Variants in PCDHA2 observed in about 807,000 individuals in gnomAD.
PCDHA2 encodes the protein protocadherin alpha-2.
In PCDHA2, 58 loss-of-function variants were observed where a neutral mutation model predicts 66.0. The observed-to-expected ratio is 0.88, with a 90% CI of 0.71 to 1.09. The LOEUF (loss-of-function observed/expected upper bound fraction) is 1.09. Among genes scored for constraint, PCDHA2 ranks in the 50% least tolerant of loss-of-function variants. PCDHA2 has a pLI of 0.00. For synonymous variants in PCDHA2, 634 were observed against 554.0 expected (o/e 1.14, Z -2.03); for missense variants, 1,267 against 1,242.3 (o/e 1.02, Z -0.30).
intron 1 of PCDHA2, chr5:140,809,664 G>A (rs1554125341): frequency 2.0e-6 from 3 of 1,474,750 alleles, no homozygotes; most frequent in Non-Finnish European, 2.7e-6. Context: ...AATTTCCCTG[G>A]GTTAAAATTT....
At chr5:140,898,371 G>A (rs13156913) in intron 1 of PCDHA2, among the ~76,000 whole-genome samples, 3 of 152,142 alleles carry the variant, frequency 2.0e-5, no homozygotes, top group African/African-American at 7.2e-5. Flanking sequence ...TTTGTATAAG[G>A]TGTAAGGAAG....
chr5:140,823,434 C>G, intron 1 of PCDHA2: 1 of 1,613,238 alleles, frequency 6.2e-7, no homozygotes, highest in South Asian at 1.1e-5. Flanking sequence ...TGCAGGTGTT[C>G]GTGCTGGACG....
intron 1 of PCDHA2, among the ~76,000 whole-genome samples, chr5:140,798,888 G>A (rs1762374084): frequency 6.6e-6 from 1 of 152,150 alleles, no homozygotes; most frequent in African/African-American, 2.4e-5. Context: ...GTTATTTGCT[G>A]TTTATTCTAA....
intron 1 of PCDHA2, among the ~76,000 whole-genome samples, chr5:140,961,947 G>A (rs1183967245): frequency 6.6e-6 from 1 of 150,956 alleles, no homozygotes; most frequent in Non-Finnish European, 1.5e-5. Flanking sequence ...GCAGTGGCAT[G>A]ATCTCGGCTC....
chr5:141,009,868 G>C lies in PCDHA2; in HGVS notation c.2778G>C (p.Lys926Asn). 1 of 1,614,022 alleles carries C rather than the reference G, an allele frequency of 6.2e-7. No individual in the cohort carries two copies. Among genetic ancestry groups the C allele is most frequent in the Non-Finnish European group, 8.5e-7 (1 of 1,180,004 alleles). Residue 926 changes from lysine (K) to asparagine (N), a missense_variant, in exon 4 of 4, where the codon AAG becomes AAC. Transcript: ENST00000526136. ...AGGAGACCAAGAAAAAGAAGAAAAA[G>C]AAGAAGGGTAACAAGACCCAGGAGA... ...KKEETKKKKKKKKGNKTQEKK... is the reference protein window; with the variant it reads ...KKEETKKKKKNKKGNKTQEKK...
At chr5:140,805,392 G>C in intron 1 of PCDHA2, 2 of 1,088,008 alleles carry the variant, frequency 1.8e-6, no homozygotes, top group Non-Finnish European at 2.2e-6. Flanking sequence ...TCTGGTTTCT[G>C]TTTGATTCAG....
intron 1 of PCDHA2, chr5:140,804,906 T>G (rs1763477016): frequency 4.7e-6 from 4 of 848,738 alleles, no homozygotes; most frequent in Non-Finnish European, 6.7e-6. Flanking sequence ...ACTTCCATTT[T>G]CTTTATTTCC....
chr5:141,004,608 T>A (rs2153981502), intron 3 of PCDHA2, among the ~76,000 whole-genome samples: 1 of 152,348 alleles, frequency 6.6e-6, no homozygotes, highest in African/African-American at 2.4e-5. Flanking sequence ...TTAGGCCTCA[T>A]GCAGAGTCCT....
chr5:140,868,810 G>A lies in PCDHA2; in HGVS notation c.2388+71458G>A, dbSNP rs944762063. On this transcript the variant is annotated intron_variant, in intron 1 of 3. Transcript: ENST00000526136. Reference sequence around the variant, plus strand: ...GAATATTCCATAAATAAGCACGTTGGAAATATTTGGGGGAAGAAACCCAAA... The same window carrying A: ...GAATATTCCATAAATAAGCACGTTGAAAATATTTGGGGGAAGAAACCCAAA... 1.0e-4 allele frequency: 38 copies of A among 369,934 alleles called. No homozygotes were observed. The Admixed American group carries it at 1.3e-3, about 12-fold the overall frequency. The allele number at this position is 369,934 out of a possible 1,614,324, so 22.9% of individuals were successfully genotyped here.
At chr5:140,808,977 T>C (rs1554124934) in intron 1 of PCDHA2, 2 of 1,613,568 alleles carry the variant, frequency 1.2e-6, no homozygotes, top group South Asian at 2.2e-5. Flanking sequence ...GTGCGCGCGG[T>C]GGATGCTGAC....
chr5:140,809,469 G>T (rs1655310932), intron 1 of PCDHA2: 1 of 1,614,250 alleles, frequency 6.2e-7, no homozygotes, highest in South Asian at 1.1e-5. Flanking sequence ...GTGTGCTCTG[G>T]TGAGGGCCCA....
intron 3 of PCDHA2, among the ~76,000 whole-genome samples, chr5:140,994,234 C>A (rs1285846864): frequency 4.6e-5 from 7 of 152,146 alleles, no homozygotes; most frequent in South Asian, 2.1e-4. Flanking sequence ...ATGTTATAAT[C>A]AATTCAAACC....
intron 1 of PCDHA2, among the ~76,000 whole-genome samples, chr5:140,905,079 T>C (rs2071581588): frequency 6.6e-6 from 1 of 152,168 alleles, no homozygotes; most frequent in Admixed American, 6.5e-5. Context: ...AGTTGCACTT[T>C]CTTTTGGGTT....
At position 140,979,027 on chromosome 5, in the gene PCDHA2, T is replaced by C. The variant is rs782016038; in HGVS notation, c.2447+20T>C. ...GCACAGGTATGTATTTCCCTCCTCA[T>C]TCACTCAGAAGTAACCTTAACTTGG... On this transcript the variant is annotated intron_variant, in intron 2 of 3. Coordinates refer to ENST00000526136, the MANE Select transcript of PCDHA2 (RefSeq NM_018905.3). The C allele has an allele frequency of 3.5e-5, 57 of 1,613,492 alleles. No homozygotes were observed. Among genetic ancestry groups the C allele is most frequent in the Non-Finnish European group, 4.4e-5 (52 of 1,179,754 alleles).
rs115674887 is a variant in PCDHA2, at chr5:140,842,176, T to G, written c.2388+44824T>G. 1,504 of 1,613,900 alleles carry G rather than the reference T, an allele frequency of 9.3e-4. 22 individuals are homozygous for G. The African/African-American group carries it at 0.018, about 19-fold the overall frequency. ...TTTCATATTCTTTTAATAGCCTTGT[T>G]GAAACTATGGTTATTGACCACTTTA... On this transcript the variant is annotated intron_variant, in intron 1 of 3. Transcript: ENST00000526136.
chr5:140,797,110 C>T lies in PCDHA2; in HGVS notation c.2146C>T (p.Leu716=). 1.2e-6 allele frequency: 2 copies of T among 1,614,016 alleles called. No individual in the cohort carries two copies. Among genetic ancestry groups the T allele is most frequent in the Non-Finnish European group, 8.5e-7 (1 of 1,179,970 alleles). Residue 716 remains leucine (L), a synonymous_variant, in exon 1 of 4, where the codon CTG becomes TTG. Coordinates refer to ENST00000526136, the MANE Select transcript of PCDHA2 (RefSeq NM_018905.3). Reference sequence around the variant, plus strand: ...ATCCAGCCTGTTGGTGCTCACGGTGCTGCTGTACACTGCGCTGCGGTGCTC... The same window carrying T: ...ATCCAGCCTGTTGGTGCTCACGGTGTTGCTGTACACTGCGCTGCGGTGCTC... The part of the protein sequence containing the change: ...AVSSLLVLTV[L]LYTALRCSVP...
At chr5:140,804,275 G>GCATCTTTGTT (rs1483293729) in intron 1 of PCDHA2, 4 of 151,952 alleles carry the variant, frequency 2.6e-5, no homozygotes, top group Non-Finnish European at 5.9e-5. Flanking sequence ...ATTTAGAATT[G>GCATCTTTGTT]CATCTTTGTT....
At chr5:140,867,183 G>A (rs1035791499) in intron 1 of PCDHA2, 3 of 151,946 alleles carry the variant, frequency 2.0e-5, no homozygotes, top group Non-Finnish European at 4.4e-5. Flanking sequence ...TCCCTACCTC[G>A]CAAGACTCCA....
chr5:140,853,024 G>T, intron 1 of PCDHA2: 1 of 260,054 alleles, frequency 3.8e-6, no homozygotes, highest in Non-Finnish European at 6.3e-6. Context: ...GACTACAGGC[G>T]CCTGCCACCA....
Sources: gnomAD v4.1 joint callset for allele counts (sites outside exome capture counted in the v4.1 genomes callset) on GRCh38, gnomAD v4.1.1 for gene constraint, MANE v1.5 for transcripts, NCBI Gene and HGNC (gene_info 2026-07-23, HGNC 2026-07-21) for gene names.